Variants in GPC5 observed in about 807,000 individuals in gnomAD.
GPC5 encodes glypican-5.
GPC5 carries 47 observed loss-of-function variants against 53.9 expected under a neutral mutation model. The observed-to-expected ratio is 0.87, with a 90% CI of 0.69 to 1.11. The LOEUF is 1.11. Ranked by LOEUF, GPC5 falls within the 50% of genes most tolerant of loss-of-function variation. GPC5 has a pLI of 0.00. For missense variants in GPC5, 748 were observed against 713.1 expected (o/e 1.05, Z -0.56); for synonymous variants, 286 against 263.3 (o/e 1.09, Z -0.84).
At chr13:92,104,685 T>A (rs1376818107) in intron 6 of GPC5, among the ~76,000 whole-genome samples, 1 of 152,162 alleles carries the variant, frequency 6.6e-6, no homozygotes, top group African/African-American at 2.4e-5. Context: ...TTTGAAATTG[T>A]ACCTGAAGAG....
rs574224227 is a variant in GPC5 at position 91,764,286 on chromosome 13, C to T, written c.1280+7866C>T. ...CTTTTCTAAAAATGCTCTATGAATG[C>T]GGCAATAATTGCGTGGTATATCATC... On this transcript the variant is annotated intron_variant, in intron 5 of 7. Coordinates refer to ENST00000377067, the MANE Select transcript of GPC5 (RefSeq NM_004466.6). Among the ~76,000 whole-genome samples, 10 of 152,276 alleles carry T rather than the reference C, an allele frequency of 6.6e-5. 1 individual carries two copies. In the South Asian group the frequency reaches 1.5e-3, roughly 22 times the overall value.
intron 7 of GPC5, among the ~76,000 whole-genome samples, chr13:92,535,668 T>A (rs1333170747): frequency 1.4e-5 from 2 of 147,976 alleles, no homozygotes; most frequent in African/African-American, 2.5e-5. Context: ...CTATGTTTAT[T>A]AAAAAAAAAA....
At chr13:92,846,491 T>C (rs1444068238) in intron 7 of GPC5, among the ~76,000 whole-genome samples, 2 of 152,182 alleles carry the variant, frequency 1.3e-5, no homozygotes, top group Non-Finnish European at 2.9e-5. Flanking sequence ...CCAATTGCTG[T>C]AGTGATTTTT....
rs563295532 is a variant in GPC5, at chr13:92,261,741, GA to G, written c.1561+116758del. 1.1e-3 allele frequency among the ~76,000 whole-genome samples: 160 copies of G among 152,086 alleles called. 1 individual carries two copies. The highest frequency in any genetic ancestry group is 3.5e-3 in the African/African-American group (144 of 41,518). On this transcript the variant is annotated intron_variant, in intron 7 of 7. Coordinates refer to ENST00000377067, the MANE Select transcript of GPC5 (RefSeq NM_004466.6). ...GATATAGTGCTTTATGTAAATATTG[GA>G]AAAAATAGCTTATTAGTTAAATTTT...
At chr13:92,048,974 T>C (rs1323678895) in intron 6 of GPC5, among the ~76,000 whole-genome samples, 1 of 152,204 alleles carries the variant, frequency 6.6e-6, no homozygotes, top group Non-Finnish European at 1.5e-5. Context: ...AGATTTATTT[T>C]AATATGAGTA....
intron 7 of GPC5, among the ~76,000 whole-genome samples, chr13:92,587,602 T>G (rs1281934152): frequency 6.6e-6 from 1 of 151,330 alleles, no homozygotes; most frequent in Non-Finnish European, 1.5e-5. Context: ...AGAATGGCTA[T>G]GTAAGGAAAA....
intron 7 of GPC5, among the ~76,000 whole-genome samples, chr13:92,304,406 A>G (rs1594085590): frequency 1.3e-5 from 2 of 151,854 alleles, no homozygotes; most frequent in East Asian, 3.9e-4. Context: ...GGGTTTCATC[A>G]TGTTGGCCTG....
chr13:92,304,238 TCTGTCCCCCAG>T (rs1229516221), intron 7 of GPC5, among the ~76,000 whole-genome samples: 1 of 151,632 alleles, frequency 6.6e-6, no homozygotes, highest in Admixed American at 6.6e-5. Flanking sequence ...AGAGTCTCTC[TCTGTCCCCCAG>T]GCTGGAGTGC....
intron 7 of GPC5, among the ~76,000 whole-genome samples, chr13:92,439,969 C>T (rs576980246): frequency 1.3e-5 from 2 of 152,160 alleles, no homozygotes; most frequent in South Asian, 2.1e-4. Context: ...GAGATTGATT[C>T]CTTGAAGGTA....
intron 5 of GPC5, among the ~76,000 whole-genome samples, chr13:91,861,370 C>T (rs752384139): frequency 2.0e-5 from 3 of 152,074 alleles, no homozygotes; most frequent in Non-Finnish European, 2.9e-5. Flanking sequence ...GCTTACTTTC[C>T]TTCATGAATT....
intron 2 of GPC5, among the ~76,000 whole-genome samples, chr13:91,634,872 T>G (rs1049199834): frequency 6.6e-6 from 1 of 152,144 alleles, no homozygotes; most frequent in African/African-American, 2.4e-5. Context: ...ACAACAACAT[T>G]CTTGCCACTG....
chr13:92,144,827 T>C lies in GPC5; in HGVS notation c.1402-3T>C. On this transcript the variant is annotated splice_polypyrimidine_tract_variant and splice_region_variant and intron_variant, in intron 6 of 7. Transcript: ENST00000377067. The stretch of plus-strand genomic sequence containing the variant: ...GTAAAGGCCTTTCTTTATGTACAAT[T>C]AGTTGTTACAGGGTAGATCACCCAA... 6.2e-7 allele frequency: 1 copy of C among 1,608,704 alleles called. No individual in the cohort carries two copies. The highest frequency in any genetic ancestry group is 8.5e-7 in the Non-Finnish European group (1 of 1,177,544).
At chr13:92,781,753 G>A (rs1358923324) in intron 7 of GPC5, among the ~76,000 whole-genome samples, 1 of 152,074 alleles carries the variant, frequency 6.6e-6, no homozygotes, top group East Asian at 1.9e-4. Flanking sequence ...TTGTTTAAAT[G>A]GCCAATTACC....
intron 7 of GPC5, among the ~76,000 whole-genome samples, chr13:92,843,868 C>T (rs1878513294): frequency 6.6e-6 from 1 of 151,892 alleles, no homozygotes; most frequent in South Asian, 2.1e-4. Context: ...AGTAACAGTG[C>T]AACTGTTATA....
At chr13:92,247,595 G>A (rs1249861430) in intron 7 of GPC5, among the ~76,000 whole-genome samples, 4 of 152,062 alleles carry the variant, frequency 2.6e-5, no homozygotes, top group Admixed American at 6.6e-5. Context: ...TGCCCCTTAT[G>A]TTTGTTGCAA....
Position 92,429,226 on chromosome 13 carries a change from C to CA in GPC5, c.1561+284241dup, listed in dbSNP as rs1456023875. On this transcript the variant is annotated intron_variant, in intron 7 of 7. Transcript: ENST00000377067. ...CAAATATCTATCATGAAAAACCATT[C>CA]AAAATTAAAGTAATTGTGACATTTT... 2.0e-5 allele frequency among the ~76,000 whole-genome samples: 3 copies of CA among 151,774 alleles called. No individual in the cohort carries two copies. In the East Asian group the frequency reaches 5.8e-4, roughly 29 times the overall value.
At chr13:91,995,663 C>T (rs758164841) in intron 6 of GPC5, 1 of 152,080 alleles carries the variant, frequency 6.6e-6, no homozygotes, top group Non-Finnish European at 1.5e-5. Flanking sequence ...TTAGTAACAA[C>T]ATTAGATACT....
At chr13:91,818,294 T>C (rs1317422246) in intron 5 of GPC5, among the ~76,000 whole-genome samples, 1 of 152,262 alleles carries the variant, frequency 6.6e-6, no homozygotes, top group Non-Finnish European at 1.5e-5. Context: ...TGCTAGGCTA[T>C]ATCCACTTTC....
chr13:92,200,463 C>T (rs1042744368), intron 7 of GPC5, among the ~76,000 whole-genome samples: 1 of 152,178 alleles, frequency 6.6e-6, no homozygotes, highest in Non-Finnish European at 1.5e-5. Context: ...TTAAGCAAAA[C>T]AGGTAATTAT....
Sources: allele counts gnomAD v4.1 joint callset (sites outside exome capture counted in the v4.1 genomes callset), GRCh38; gene constraint gnomAD v4.1.1; transcripts MANE v1.5; gene names NCBI Gene and HGNC (gene_info 2026-07-23, HGNC 2026-07-21).